Variants in PHF20 observed in about 807,000 individuals in gnomAD.
The protein encoded by PHF20 is PHD finger protein 20.
Under a neutral mutation model 113.5 loss-of-function variants are expected in PHF20, and 23 were observed. The observed-to-expected ratio is 0.20, with a 90% CI of 0.15 to 0.29. The LOEUF (loss-of-function observed/expected upper bound fraction) is 0.29, where lower values mean the gene tolerates loss of function less well. Among genes scored for constraint, PHF20 ranks in the 10% least tolerant of loss-of-function variants. The pLI, the probability that PHF20 is intolerant of heterozygous loss-of-function variation, is 1.00. For synonymous variants in PHF20, 434 were observed against 457.3 expected (o/e 0.95, Z 0.65); for missense variants, 943 against 1,219.6 (o/e 0.77, Z 3.38).
chr20:35,908,868 T>A (rs1433009209), intron 10 of PHF20, among the ~76,000 whole-genome samples: 1 of 152,232 alleles, frequency 6.6e-6, no homozygotes, highest in Non-Finnish European at 1.5e-5. Context: ...CAATAGATTG[T>A]TGTATATTAA....
intron 3 of PHF20, among the ~76,000 whole-genome samples, chr20:35,843,469 A>G (rs2146938511): frequency 6.7e-6 from 1 of 149,860 alleles, no homozygotes; most frequent in South Asian, 2.2e-4. Flanking sequence ...CAGTGAGCCA[A>G]GATGATCATG....
At chr20:35,822,931 A>G (rs1215928732) in intron 2 of PHF20, among the ~76,000 whole-genome samples, 1 of 151,440 alleles carries the variant, frequency 6.6e-6, no homozygotes, top group Non-Finnish European at 1.5e-5. Flanking sequence ...CACTTTCAAC[A>G]TCCTGCACCA....
intron 1 of PHF20, among the ~76,000 whole-genome samples, chr20:35,800,518 A>T (rs1175656291): frequency 6.6e-6 from 1 of 152,180 alleles, no homozygotes; most frequent in African/African-American, 2.4e-5. Context: ...CGCCTGTAAT[A>T]CCAGCACTTT....
chr20:35,847,070 A>G (rs1457013846), intron 3 of PHF20, among the ~76,000 whole-genome samples: 1 of 152,148 alleles, frequency 6.6e-6, no homozygotes, highest in African/African-American at 2.4e-5. Context: ...GCATTAATCT[A>G]TTCATGAGGG....
At chr20:35,946,399 A>G (rs1428235846) in intron 17 of PHF20, among the ~76,000 whole-genome samples, 1 of 152,172 alleles carries the variant, frequency 6.6e-6, no homozygotes, top group Non-Finnish European at 1.5e-5. Context: ...GCGCCACTGC[A>G]CTCCAGCCTG....
At chr20:35,809,754 G>T (rs2041945449) in intron 2 of PHF20, among the ~76,000 whole-genome samples, 1 of 151,580 alleles carries the variant, frequency 6.6e-6, no homozygotes, top group Admixed American at 6.6e-5. Context: ...GGTGGTACAT[G>T]CCTGAAGTCC....
chr20:35,871,281 T>G, intron 8 of PHF20, 147 bp downstream of exon 8: 1 of 700,134 alleles, frequency 1.4e-6, no homozygotes. Flanking sequence ...TATAATGTAT[T>G]GCTCTTCACT....
intron 9 of PHF20, among the ~76,000 whole-genome samples, chr20:35,888,918 C>T (rs2054789688): frequency 6.6e-6 from 1 of 151,888 alleles, no homozygotes; most frequent in African/African-American, 2.4e-5. Context: ...ACTGTCCTCC[C>T]ATAGGGGAAT....
At chr20:35,788,246 G>A (rs1464447369) in intron 1 of PHF20, among the ~76,000 whole-genome samples, 18 of 150,598 alleles carry the variant, frequency 1.2e-4, no homozygotes, top group East Asian at 4.0e-4. Flanking sequence ...ACAGGCGCCC[G>A]CCACCACGCC....
intron 9 of PHF20, among the ~76,000 whole-genome samples, chr20:35,879,611 G>A (rs956689269): frequency 6.6e-6 from 1 of 151,632 alleles, no homozygotes; most frequent in Non-Finnish European, 1.5e-5. Flanking sequence ...ATATACCATC[G>A]AATGTTATTA....
At chr20:35,938,571 T>G in intron 15 of PHF20, 126 bp from the exon 16 acceptor site, 1 of 864,670 alleles carries the variant, frequency 1.2e-6, no homozygotes, top group Non-Finnish European at 1.8e-6. Flanking sequence ...GTTTAGCAAA[T>G]GGTAGTGTGT....
chr20:35,941,193 T>C (rs1035190716), intron 17 of PHF20, 146 bp downstream of exon 17: 24 of 608,986 alleles, frequency 3.9e-5, no homozygotes, highest in Middle Eastern at 4.5e-4. Flanking sequence ...ACCTCCATTC[T>C]CCCCTCAGGA....
intron 9 of PHF20, among the ~76,000 whole-genome samples, chr20:35,877,532 C>G (rs1401462590): frequency 6.6e-6 from 1 of 151,106 alleles, no homozygotes; most frequent in Non-Finnish European, 1.5e-5. Flanking sequence ...TCACTGCAAC[C>G]TCCGCCTCCC....
chr20:35,802,951 A>C (rs2041809371), intron 2 of PHF20, among the ~76,000 whole-genome samples: 1 of 143,538 alleles, frequency 7.0e-6, no homozygotes, highest in African/African-American at 2.6e-5. Flanking sequence ...AAAAAAAAAA[A>C]AAAAAGAATT....
At chr20:35,928,068 C>G (rs2055677404) in intron 14 of PHF20, among the ~76,000 whole-genome samples, 189 bp downstream of exon 14, 1 of 152,206 alleles carries the variant, frequency 6.6e-6, no homozygotes, top group South Asian at 2.1e-4. Context: ...AATAAGAGCA[C>G]ACGTGTGAAG....
intron 1 of PHF20, among the ~76,000 whole-genome samples, 195 bp downstream of exon 1, chr20:35,772,274 C>A (rs2041072866): frequency 6.6e-6 from 1 of 151,680 alleles, no homozygotes; most frequent in Admixed American, 6.6e-5. Flanking sequence ...GCGTGGCGGG[C>A]GTGCGAGCGG....
chr20:35,781,120 G>C (rs935330180), intron 1 of PHF20, among the ~76,000 whole-genome samples: 2 of 151,732 alleles, frequency 1.3e-5, no homozygotes, highest in Non-Finnish European at 2.9e-5. Context: ...AAAGTGCTGG[G>C]ATTACAGGCG....
At chr20:35,801,848 A>C in intron 2 of PHF20, 1 of 338,228 alleles carries the variant, frequency 3.0e-6, no homozygotes, top group Non-Finnish European at 5.5e-6. Context: ...TTCTGGGAAA[A>C]AGAAGCAGGA....
intron 17 of PHF20, among the ~76,000 whole-genome samples, chr20:35,946,717 A>G (rs1425210406): frequency 2.9e-5 from 4 of 139,482 alleles, no homozygotes; most frequent in African/African-American, 1.1e-4. Flanking sequence ...TATTTTATTT[A>G]TTTTATTTTT....
Sources: allele counts gnomAD v4.1 joint callset (sites outside exome capture counted in the v4.1 genomes callset), GRCh38; gene constraint gnomAD v4.1.1; transcripts MANE v1.5; gene names NCBI Gene and HGNC (gene_info 2026-07-23, HGNC 2026-07-21).